RPTOR: variants seen among roughly 807,000 people sequenced by gnomAD.
RPTOR encodes regulatory-associated protein of mTOR.
A neutral mutation model predicts 169.9 loss-of-function variants in RPTOR; 21 were observed. That is an observed-to-expected ratio of 0.12 (90% confidence interval 0.09 to 0.18). The LOEUF is 0.18. Ranked by LOEUF, RPTOR falls within the 10% of genes least tolerant of loss-of-function variation. The pLI, the probability that RPTOR is intolerant of heterozygous loss-of-function variation, is 1.00. For synonymous variants in RPTOR, 732 were observed against 753.2 expected (o/e 0.97, Z 0.46); for missense variants, 1,133 against 1,855.9 (o/e 0.61, Z 7.16).
chr17:80,728,978 G>A (rs754837965), intron 4 of RPTOR, among the ~76,000 whole-genome samples: 6 of 152,190 alleles, frequency 3.9e-5, no homozygotes, highest in Non-Finnish European at 8.8e-5. Flanking sequence ...GCAGAGCACA[G>A]GTAGAATGGG....
At chr17:80,612,713 A>G (rs938218986) in intron 1 of RPTOR, among the ~76,000 whole-genome samples, 1 of 152,140 alleles carries the variant, frequency 6.6e-6, no homozygotes. Context: ...AAAAAATACA[A>G]AAAAACTAGC....
At chr17:80,904,447 A>C (rs919649219) in intron 20 of RPTOR, among the ~76,000 whole-genome samples, 3 of 152,216 alleles carry the variant, frequency 2.0e-5, no homozygotes, top group African/African-American at 7.2e-5. Context: ...TCTGGGATTC[A>C]GAGTCAGCCA....
intron 10 of RPTOR, among the ~76,000 whole-genome samples, chr17:80,838,478 T>G (rs758002644): frequency 6.6e-6 from 1 of 152,340 alleles, no homozygotes; most frequent in Non-Finnish European, 1.5e-5. Context: ...TCGCCGCACC[T>G]GCAAGTGAGG....
chr17:80,587,170 C>A (rs2085634898), intron 1 of RPTOR, among the ~76,000 whole-genome samples: 2 of 152,270 alleles, frequency 1.3e-5, no homozygotes, highest in South Asian at 4.1e-4. Flanking sequence ...CCCGCAGTTC[C>A]CCTTTCCTGG....
At chr17:80,901,364 CA>C in intron 20 of RPTOR, among the ~76,000 whole-genome samples, 2 of 152,176 alleles carry the variant, frequency 1.3e-5, no homozygotes, top group East Asian at 3.9e-4. Flanking sequence ...CCTTCTTATA[CA>C]ATGTGATTCC....
intron 3 of RPTOR, among the ~76,000 whole-genome samples, chr17:80,665,361 T>C (rs1249654910): frequency 0.042 from 245 of 5,808 alleles, 2 homozygotes; most frequent in African/African-American, 0.22. Flanking sequence ...TCCTTTCCTT[T>C]CCTTTCCTTT....
chr17:80,724,781 G>T (rs552750457), intron 4 of RPTOR, among the ~76,000 whole-genome samples: 18 of 152,222 alleles, frequency 1.2e-4, no homozygotes, highest in Non-Finnish European at 2.4e-4. Flanking sequence ...CAGAGCTGCT[G>T]TGCCTGGATC....
intron 21 of RPTOR, among the ~76,000 whole-genome samples, chr17:80,918,774 T>A (rs2068710349): frequency 6.6e-6 from 1 of 152,236 alleles, no homozygotes; most frequent in Non-Finnish European, 1.5e-5. Flanking sequence ...GCCCCGTCCC[T>A]GTGCTGCCTG....
At chr17:80,935,720 G>A (rs1472404200) in intron 24 of RPTOR, among the ~76,000 whole-genome samples, 1 of 152,094 alleles carries the variant, frequency 6.6e-6, no homozygotes, top group African/African-American at 2.4e-5. Context: ...TTAACTCAGA[G>A]TGAATCATAG....
intron 3 of RPTOR, among the ~76,000 whole-genome samples, chr17:80,696,735 G>A (rs530577275): frequency 1.1e-4 from 16 of 152,350 alleles, no homozygotes; most frequent in African/African-American, 3.4e-4. Flanking sequence ...GCGGGAGCAC[G>A]TGAGTGAGCG....
intron 4 of RPTOR, among the ~76,000 whole-genome samples, chr17:80,715,796 G>A (rs1326375245): frequency 2.6e-5 from 4 of 151,154 alleles, no homozygotes; most frequent in East Asian, 3.9e-4. Flanking sequence ...CAGCTCCCAC[G>A]TAACAGTGAA....
chr17:80,824,766 C>T (rs1193014322), intron 9 of RPTOR, among the ~76,000 whole-genome samples: 1 of 152,200 alleles, frequency 6.6e-6, no homozygotes. Context: ...TTCCTTCTAG[C>T]GTATGTTTTC....
intron 24 of RPTOR, among the ~76,000 whole-genome samples, chr17:80,930,835 C>T (rs1304185073): frequency 6.6e-6 from 1 of 152,224 alleles, no homozygotes; most frequent in African/African-American, 2.4e-5. Context: ...CCTCCCACAG[C>T]TGGGGCAGGG....
intron 9 of RPTOR, among the ~76,000 whole-genome samples, chr17:80,826,900 C>T (rs2067450302): frequency 6.6e-6 from 1 of 152,226 alleles, no homozygotes; most frequent in African/African-American, 2.4e-5. Context: ...AAACATTATG[C>T]GCTTGAATTT....
chr17:80,961,047 G>T (rs1337211507), intron 30 of RPTOR: 2 of 338,336 alleles, frequency 5.9e-6, no homozygotes, highest in Non-Finnish European at 1.1e-5. Context: ...GGAGTTTTGA[G>T]GGAAGCAAAG....
rs1567887281 is a variant in RPTOR, at chr17:80,743,782, GAGCCCTGGCTACTAGCAC to G, written c.655-10210_655-10193del. Among the ~76,000 whole-genome samples the G allele has an allele frequency of 1.8e-4, 10 of 55,810 alleles. 2 individuals are homozygous for G. The highest frequency in any genetic ancestry group is 7.5e-4 in the South Asian group (1 of 1,340). 36.6% of individuals were successfully genotyped at this position (55,810 alleles called of 152,430 possible). A position where few individuals can be genotyped will look rare whatever the true frequency, so the allele number is the denominator to read the frequency against. ...ACTAGCACTCTCCTGGTTACTAGCA[GAGCCCTGGCTACTAGCAC>G]AGCCCTGGCTACTAGCAGAGCCCTG... On this transcript the variant is annotated intron_variant, in intron 5 of 33. Coordinates refer to ENST00000306801, the MANE Select transcript of RPTOR (RefSeq NM_020761.3).
intron 28 of RPTOR, among the ~76,000 whole-genome samples, chr17:80,956,990 G>A (rs2069259316): frequency 6.6e-6 from 1 of 152,268 alleles, no homozygotes; most frequent in African/African-American, 2.4e-5. Flanking sequence ...AGCGATGCCT[G>A]GGGCATAGTC....
At chr17:80,921,971 AAGGGCGGTCTTGAGTTCC>A (rs1191547048) in intron 21 of RPTOR, among the ~76,000 whole-genome samples, 1 of 152,146 alleles carries the variant, frequency 6.6e-6, no homozygotes. Flanking sequence ...GGAGGATGTT[AAGGGCGGTCTTGAGTTCC>A]AGGCCCCGTC....
intron 1 of RPTOR, among the ~76,000 whole-genome samples, chr17:80,553,095 C>T (rs12950635): frequency 0.16 from 25,060 of 152,260 alleles, 2,361 homozygotes; most frequent in East Asian, 0.28. Flanking sequence ...ATCAAGACAG[C>T]GGTGCCAAGC....
Sources: gnomAD v4.1 joint callset for allele counts (sites outside exome capture counted in the v4.1 genomes callset) on GRCh38, gnomAD v4.1.1 for gene constraint, MANE v1.5 for transcripts, NCBI Gene and HGNC (gene_info 2026-07-23, HGNC 2026-07-21) for gene names.